PTPRK: variants seen among roughly 807,000 people sequenced by gnomAD.
PTPRK encodes the protein protein tyrosine phosphatase receptor type K.
Under a neutral mutation model 178.0 loss-of-function variants are expected in PTPRK, and 75 were observed. The ratio of observed to expected loss-of-function variants is 0.42; its 90% CI spans 0.35 to 0.51. The LOEUF (loss-of-function observed/expected upper bound fraction) is 0.51. Ranked by LOEUF, PTPRK falls within the 20% of genes least tolerant of loss-of-function variation. The pLI is 0.02. For missense variants in PTPRK, 1,441 were observed against 1,797.8 expected (o/e 0.80, Z 3.59); for synonymous variants, 637 against 620.6 (o/e 1.03, Z -0.39).
intron 6 of PTPRK, among the ~76,000 whole-genome samples, chr6:128,185,951 TC>T (rs1392197322): frequency 6.6e-6 from 1 of 152,150 alleles, no homozygotes; most frequent in Admixed American, 6.6e-5. Flanking sequence ...ACCAGGATTT[TC>T]TTTTTAACCC....
intron 1 of PTPRK, among the ~76,000 whole-genome samples, chr6:128,470,848 A>G (rs1206805991): frequency 2.0e-5 from 3 of 150,632 alleles, no homozygotes; most frequent in African/African-American, 4.9e-5. Context: ...AAAAGAAAGG[A>G]AAAAAAAGAA....
At chr6:128,396,664 C>T (rs865954028) in intron 2 of PTPRK, among the ~76,000 whole-genome samples, 9 of 152,212 alleles carry the variant, frequency 5.9e-5, no homozygotes, top group Admixed American at 1.3e-4. Flanking sequence ...ATTATATTAT[C>T]TCCCAAAACC....
chr6:128,137,785 AAAAT>A (rs770915361), intron 7 of PTPRK, among the ~76,000 whole-genome samples: 1 of 152,190 alleles, frequency 6.6e-6, no homozygotes, highest in African/African-American at 2.4e-5. Context: ...CCCACTAGCT[AAAAT>A]AATACAGTAA....
rs180710133 is a variant in PTPRK, at chr6:128,249,498, T to A, written c.496-6896A>T. On this transcript the variant is annotated intron_variant, in intron 3 of 29. Coordinates refer to ENST00000368226, the MANE Select transcript of PTPRK (RefSeq NM_002844.4). ...TGGTTTGATGGATTGGAGCTCTCCA[T>A]GAAGTTACTGGATGATCTAAGCAAA... 2.1e-3 allele frequency among the ~76,000 whole-genome samples: 325 copies of A among 152,174 alleles called. 1 individual carries two copies. Among genetic ancestry groups the A allele is most frequent in the Middle Eastern group, 0.01 (3 of 294 alleles).
chr6:128,104,716 G>A (rs777971641), intron 7 of PTPRK, among the ~76,000 whole-genome samples: 4 of 152,150 alleles, frequency 2.6e-5, no homozygotes, highest in African/African-American at 4.8e-5. Context: ...AGCCATCAAC[G>A]AAAGCTTATG....
At chr6:128,374,790 T>C (rs1836788657) in intron 2 of PTPRK, among the ~76,000 whole-genome samples, 2 of 152,258 alleles carry the variant, frequency 1.3e-5, no homozygotes, top group East Asian at 1.9e-4. Flanking sequence ...TCACTCCATT[T>C]AGAACTTTGT....
chr6:128,309,490 C>T (rs775314926), intron 3 of PTPRK, among the ~76,000 whole-genome samples: 2 of 152,060 alleles, frequency 1.3e-5, no homozygotes, highest in East Asian at 1.9e-4. Flanking sequence ...AACCAACGTT[C>T]GGACCCTACA....
chr6:128,462,170 T>A (rs1849133358), intron 1 of PTPRK, among the ~76,000 whole-genome samples: 1 of 152,094 alleles, frequency 6.6e-6, no homozygotes, highest in Admixed American at 6.6e-5. Context: ...ATGAAAATAT[T>A]TTTTGAGCAG....
At chr6:128,197,642 T>TGC (rs1318601468) in intron 6 of PTPRK, among the ~76,000 whole-genome samples, 1 of 152,096 alleles carries the variant, frequency 6.6e-6, no homozygotes. Context: ...GTTAAGACTG[T>TGC]GCTCTCTAAA....
At chr6:128,053,072 C>T (rs1779297761) in intron 13 of PTPRK, among the ~76,000 whole-genome samples, 2 of 151,876 alleles carry the variant, frequency 1.3e-5, no homozygotes, top group Admixed American at 1.3e-4. Flanking sequence ...TATTTAGACA[C>T]CAACATCTGG....
At chr6:128,171,487 T>G (rs1045616206) in intron 7 of PTPRK, among the ~76,000 whole-genome samples, 3 of 151,996 alleles carry the variant, frequency 2.0e-5, no homozygotes, top group African/African-American at 7.2e-5. Context: ...CATTTCTCAC[T>G]CCAGACTCTT....
chr6:128,350,067 G>A (rs1043350329), intron 2 of PTPRK, among the ~76,000 whole-genome samples: 1 of 152,110 alleles, frequency 6.6e-6, no homozygotes, highest in East Asian at 1.9e-4. Context: ...AGAAAACTAT[G>A]TACTAAGTCC....
rs192249118 is a variant in PTPRK, at chr6:128,149,296, G to A, written c.1162+35136C>T. On this transcript the variant is annotated intron_variant, in intron 7 of 29. Coordinates refer to ENST00000368226, the MANE Select transcript of PTPRK (RefSeq NM_002844.4). Reference sequence around the variant, plus strand: ...GTGCACATGTACCCTAGAACTTAAAGTATAATAATAATAATAATAAAGAAA... The same window carrying A: ...GTGCACATGTACCCTAGAACTTAAAATATAATAATAATAATAATAAAGAAA... Among the ~76,000 whole-genome samples the A allele has an allele frequency of 1.5e-3, 223 of 151,218 alleles. 3 individuals are homozygous for A. Among genetic ancestry groups the A allele is most frequent in the Middle Eastern group, 6.8e-3 (2 of 294 alleles).
intron 6 of PTPRK, among the ~76,000 whole-genome samples, chr6:128,188,042 C>A (rs552604062): frequency 6.6e-6 from 1 of 152,190 alleles, no homozygotes; most frequent in South Asian, 2.1e-4. Context: ...TAATATTCTT[C>A]ATAACAATAC....
intron 1 of PTPRK, among the ~76,000 whole-genome samples, chr6:128,449,993 A>T (rs1228532557): frequency 1.3e-5 from 2 of 151,600 alleles, no homozygotes; most frequent in African/African-American, 4.8e-5. Flanking sequence ...CTGTTATTTC[A>T]GCTATTAGGG....
chr6:128,478,709 CT>C (rs1478928843), intron 1 of PTPRK, among the ~76,000 whole-genome samples: 3 of 152,092 alleles, frequency 2.0e-5, no homozygotes, highest in Non-Finnish European at 2.9e-5. Flanking sequence ...TTCATTTTCA[CT>C]TGCCCATATC....
At chr6:128,393,423 G>T (rs1839887572) in intron 2 of PTPRK, among the ~76,000 whole-genome samples, 1 of 152,086 alleles carries the variant, frequency 6.6e-6, no homozygotes, top group African/African-American at 2.4e-5. Context: ...TGGACAGAAG[G>T]ACATATAAGA....
chr6:127,973,274 T>A (rs2114604503), intron 28 of PTPRK, 117 bp from the exon 29 acceptor site: 1 of 1,508,960 alleles, frequency 6.6e-7, no homozygotes, highest in East Asian at 2.3e-5. Context: ...TCCATTTGTG[T>A]CTTAATTTTG....
chr6:128,185,103 T>A (rs1021510303), intron 6 of PTPRK, among the ~76,000 whole-genome samples: 12 of 152,312 alleles, frequency 7.9e-5, no homozygotes, highest in Admixed American at 7.2e-4. Flanking sequence ...CCAAGAGGTA[T>A]TTTTCTTTTT....
Sources: gnomAD v4.1 joint callset for allele counts (sites outside exome capture counted in the v4.1 genomes callset) on GRCh38, gnomAD v4.1.1 for gene constraint, MANE v1.5 for transcripts, NCBI Gene and HGNC (gene_info 2026-07-23, HGNC 2026-07-21) for gene names.